Variants in ATP2B1 observed in about 807,000 individuals in gnomAD.
ATP2B1 encodes ATPase plasma membrane Ca2+ transporting 1.
A neutral mutation model predicts 124.2 loss-of-function variants in ATP2B1; 14 were observed. The observed-to-expected ratio is 0.11, with a 90% CI of 0.07 to 0.18. The LOEUF (loss-of-function observed/expected upper bound fraction) is 0.18. Ranked by LOEUF, ATP2B1 falls within the 10% of genes least tolerant of loss-of-function variation. ATP2B1 has a pLI of 1.00. For missense variants in ATP2B1, 763 were observed against 1,466.1 expected, an observed-to-expected ratio of 0.52 and a Z score of 7.83; for synonymous variants, 449 against 492.4, an observed-to-expected ratio of 0.91 and a Z score of 1.17.
chr12:89,627,332 C>T (rs1469699919), intron 7 of ATP2B1, among the ~76,000 whole-genome samples: 1 of 148,942 alleles, frequency 6.7e-6, no homozygotes, highest in Non-Finnish European at 1.5e-5. Context: ...AAATAAATTT[C>T]GTGTTTGGAG....
intron 5 of ATP2B1, among the ~76,000 whole-genome samples, chr12:89,631,604 T>A (rs1881867720): frequency 6.6e-6 from 1 of 152,206 alleles, no homozygotes; most frequent in South Asian, 2.1e-4. Flanking sequence ...GATTCTTCGT[T>A]GCCTACTGGA....
chr12:89,627,576 T>C, intron 7 of ATP2B1, 102 bp downstream of exon 7: 1 of 1,343,932 alleles, frequency 7.4e-7, no homozygotes, highest in Non-Finnish European at 1.1e-6. Context: ...ATTGTTGATT[T>C]TCCCTGCCAC....
intron 20 of ATP2B1, chr12:89,593,745 G>A (rs1339707141): frequency 2.0e-5 from 3 of 151,932 alleles, no homozygotes; most frequent in Non-Finnish European, 4.4e-5. Context: ...TCCCTTCTTA[G>A]CAAAACTTCA....
intron 7 of ATP2B1, among the ~76,000 whole-genome samples, chr12:89,627,333 G>T (rs774115444): frequency 6.7e-6 from 1 of 149,708 alleles, no homozygotes; most frequent in Non-Finnish European, 1.5e-5. Context: ...AATAAATTTC[G>T]TGTTTGGAGT....
rs769073869 is a variant in ATP2B1, at chr12:89,591,075, T to G, written c.3572A>C (p.Asp1191Ala). Reference protein sequence around the residue: ...PSPNKNNNAVDSGIHLTIEMN... With the variant: ...PSPNKNNNAVASGIHLTIEMN... ...TTCTATTGTAAGGTGAATTCCACTGTCAACAGCATTGTTATTTTTGTTGGG... is the reference window on the plus strand; with the variant it reads ...TTCTATTGTAAGGTGAATTCCACTGGCAACAGCATTGTTATTTTTGTTGGG... Residue 1191 changes from aspartate (D) to alanine (A), a missense_variant, in exon 21 of 21, where the codon GAC (aspartate) becomes GCC (alanine). Coordinates refer to ENST00000428670, the MANE Select transcript of ATP2B1 (RefSeq NM_001366521.1). 5.0e-6 allele frequency: 8 copies of G among 1,613,280 alleles called. No homozygotes were observed. The Admixed American group carries it at 1.2e-4, about 24-fold the overall frequency.
At chr12:89,593,758 T>C (rs1406893137) in intron 20 of ATP2B1, 1 of 152,016 alleles carries the variant, frequency 6.6e-6, no homozygotes, top group Non-Finnish European at 1.5e-5. Context: ...AAACTTCAAT[T>C]CTGAGAAGAT....
At chr12:89,687,148 C>T (rs1375667619) in intron 1 of ATP2B1, among the ~76,000 whole-genome samples, 1 of 152,116 alleles carries the variant, frequency 6.6e-6, no homozygotes, top group Non-Finnish European at 1.5e-5. Flanking sequence ...GATTAAAGTA[C>T]AGCCATGCAC....
Position 89,611,173 on chromosome 12 carries a change from AAAT to A in ATP2B1, c.2247+17_2247+19del, listed in dbSNP as rs751850791. On this transcript the variant is annotated intron_variant, in intron 13 of 20. Coordinates refer to ENST00000428670, the MANE Select transcript of ATP2B1 (RefSeq NM_001366521.1). ...ATTAAACATCTGTCAACCAAAAACA[AAAT>A]AATAATAAATCTTTACCTCTCCTTT... 4 of 1,562,904 alleles carry A rather than the reference AAAT, an allele frequency of 2.6e-6. No individual in the cohort carries two copies. Among genetic ancestry groups the A allele is most frequent in the African/African-American group, 2.8e-5 (2 of 72,410 alleles).
At chr12:89,674,561 C>A (rs192650286) in intron 1 of ATP2B1, among the ~76,000 whole-genome samples, 90 of 152,260 alleles carry the variant, frequency 5.9e-4, no homozygotes, top group Non-Finnish European at 1.1e-3. Flanking sequence ...CACTATGCTG[C>A]CAGTTTTACA....
At chr12:89,601,257 G>A (rs1469860299) in intron 19 of ATP2B1, 69 bp downstream of exon 19, 4 of 1,097,204 alleles carry the variant, frequency 3.6e-6, no homozygotes, top group Non-Finnish European at 5.3e-6. Flanking sequence ...AACTGTTAAA[G>A]AAAATACACA....
At chr12:89,654,405 A>C (rs1885695434) in intron 2 of ATP2B1, among the ~76,000 whole-genome samples, 1 of 152,218 alleles carries the variant, frequency 6.6e-6, no homozygotes, top group African/African-American at 2.4e-5. Flanking sequence ...AGCATATCTA[A>C]GGTATAACTA....
At chr12:89,682,278 CTAA>C (rs1889450084) in intron 1 of ATP2B1, among the ~76,000 whole-genome samples, 1 of 152,096 alleles carries the variant, frequency 6.6e-6, no homozygotes, top group African/African-American at 2.4e-5. Context: ...TAGGACTTCT[CTAA>C]GTCAATTTGT....
chr12:89,688,842 AT>A lies in ATP2B1; in HGVS notation c.-222+19753del, dbSNP rs572879874. 5.5e-4 allele frequency among the ~76,000 whole-genome samples: 84 copies of A among 152,168 alleles called. 1 individual carries two copies. The highest frequency in any genetic ancestry group is 1.9e-3 in the African/African-American group (79 of 41,536). On this transcript the variant is annotated intron_variant, in intron 1 of 20. Coordinates refer to ENST00000428670, the MANE Select transcript of ATP2B1 (RefSeq NM_001366521.1). ...TTTCTAGCTCTAAAATTCTTTGTCT[AT>A]CCCCCAAATCTTCCTTATGTCTCCC...
At chr12:89,645,894 T>C (rs1408713980) in intron 2 of ATP2B1, among the ~76,000 whole-genome samples, 1 of 152,120 alleles carries the variant, frequency 6.6e-6, no homozygotes, top group African/African-American at 2.4e-5. Context: ...TGAAGGAAAT[T>C]GAAGAGAGCA....
intron 1 of ATP2B1, among the ~76,000 whole-genome samples, chr12:89,672,026 T>C (rs759174822): frequency 1.3e-4 from 20 of 152,182 alleles, no homozygotes; most frequent in South Asian, 4.1e-4. Flanking sequence ...ATTAGCAATC[T>C]CTTCCTTTTT....
At chr12:89,593,635 G>T (rs1019021457) in intron 20 of ATP2B1, 2 of 152,066 alleles carry the variant, frequency 1.3e-5, no homozygotes, top group Non-Finnish European at 2.9e-5. Context: ...TTGAGAGTTA[G>T]TGAAGCTCTA....
At chr12:89,612,739 T>C (rs918369703) in intron 12 of ATP2B1, among the ~76,000 whole-genome samples, 1 of 152,214 alleles carries the variant, frequency 6.6e-6, no homozygotes, top group Admixed American at 6.5e-5. Context: ...CTTCATCTTA[T>C]ACATACCTCT....
chr12:89,603,529 A>G lies in ATP2B1; in HGVS notation c.2848+183T>C, dbSNP rs547843701. The G allele has an allele frequency of 1.1e-4, 72 of 669,080 alleles. No homozygotes were observed. Among genetic ancestry groups the G allele is most frequent in the Non-Finnish European group, 1.6e-4 (66 of 400,312 alleles). The allele number at this position is 669,080 out of a possible 1,614,324, so 41.4% of individuals were successfully genotyped here. Reference sequence around the variant, plus strand: ...GACTGTTTATTCTCCTGTTTATTCTACTATCTAGCTTATTGTCCTCCCAAA... The same window carrying G: ...GACTGTTTATTCTCCTGTTTATTCTGCTATCTAGCTTATTGTCCTCCCAAA... On this transcript the variant is annotated intron_variant, in intron 17 of 20. Transcript: ENST00000428670. This position sits in a 1 kb window ranked among gnomAD's most constrained non-coding sequence, Gnocchi z 4.3.
In ATP2B1 at chr12:89,681,412, ACT is replaced by A. The variant is rs1889337497; in HGVS notation, c.-221-25307_-221-25306del. Among the ~76,000 whole-genome samples, 4 of 143,426 alleles carry A rather than the reference ACT, an allele frequency of 2.8e-5. No homozygotes were observed. In the South Asian group the frequency reaches 8.7e-4, roughly 31 times the overall value. 94.1% of individuals were successfully genotyped at this position (143,426 alleles called of 152,430 possible). A position where few individuals can be genotyped will look rare whatever the true frequency, so the allele number is the denominator to read the frequency against. ...TTTTTTTTTTTTGAGACACAGTCTCACTCTGTCACCCAGGCTGGAGTGCAGTG... is the reference window on the plus strand; with the variant it reads ...TTTTTTTTTTTTGAGACACAGTCTCACTGTCACCCAGGCTGGAGTGCAGTG... On this transcript the variant is annotated intron_variant, in intron 1 of 20. Coordinates refer to ENST00000428670, the MANE Select transcript of ATP2B1 (RefSeq NM_001366521.1).
Sources: gnomAD v4.1 joint callset for allele counts (sites outside exome capture counted in the v4.1 genomes callset) on GRCh38, gnomAD v4.1.1 for gene constraint, Gnocchi (gnomAD v3.1) non-coding constraint, MANE v1.5 for transcripts, NCBI Gene and HGNC (gene_info 2026-07-23, HGNC 2026-07-21) for gene names.